KBTBD2: variants seen among roughly 807,000 people sequenced by gnomAD.
The protein encoded by KBTBD2 is kelch repeat and BTB domain containing 2, also known as kelch repeat and BTB domain-containing protein 2.
KBTBD2 carries 17 observed loss-of-function variants against 57.1 expected under a neutral mutation model. The ratio of observed to expected loss-of-function variants is 0.30; its 90% CI spans 0.20 to 0.45. The LOEUF is 0.45. Among genes scored for constraint, KBTBD2 ranks in the 20% least tolerant of loss-of-function variants. The pLI is 1.00. For missense variants in KBTBD2, 515 were observed against 750.6 expected, an observed-to-expected ratio of 0.69 and a Z score of 3.67; for synonymous variants, 267 against 262.7, an observed-to-expected ratio of 1.02 and a Z score of -0.16.
At chr7:32,877,041 C>T (rs969093829) in intron 2 of KBTBD2, among the ~76,000 whole-genome samples, 2 of 151,690 alleles carry the variant, frequency 1.3e-5, no homozygotes, top group African/African-American at 2.4e-5. Flanking sequence ...TTTTTTGAGA[C>T]AGAGTCTCAC....
chr7:32,883,558 AACTGATGTG>A (rs1380938711), intron 1 of KBTBD2, among the ~76,000 whole-genome samples: 14 of 151,852 alleles, frequency 9.2e-5, no homozygotes. Flanking sequence ...ATTAATTACC[AACTGATGTG>A]ACGTATTTTA....
intron 1 of KBTBD2, among the ~76,000 whole-genome samples, chr7:32,882,916 C>T (rs1326302764): frequency 6.6e-6 from 1 of 152,158 alleles, no homozygotes; most frequent in Admixed American, 6.6e-5. Context: ...ACCTGGCAGA[C>T]GGAGGTTGCA....
chr7:32,875,256 G>T, intron 2 of KBTBD2, 99 bp from the exon 3 acceptor site: 1 of 1,097,374 alleles, frequency 9.1e-7, no homozygotes, highest in Non-Finnish European at 1.3e-6. Context: ...TTTATTTAGG[G>T]TATTTACTTA....
chr7:32,877,969 G>A (rs184173811), intron 2 of KBTBD2, among the ~76,000 whole-genome samples: 22 of 151,984 alleles, frequency 1.4e-4, no homozygotes, highest in Non-Finnish European at 3.2e-4. Context: ...AAAATTAGCC[G>A]GGCATGGTGG....
intron 2 of KBTBD2, among the ~76,000 whole-genome samples, chr7:32,879,071 G>C (rs987341826): frequency 9.9e-5 from 15 of 152,084 alleles, no homozygotes; most frequent in African/African-American, 3.6e-4. Context: ...ATTACTATTT[G>C]AGCCTATAAC....
chr7:32,869,778 G>T lies in KBTBD2; in HGVS notation c.1439C>A (p.Ala480Asp). The change falls in exon 4 of 4, where the codon GCT (alanine) becomes GAT (aspartate). Residue 480 changes from alanine to aspartate, a missense_variant. By Grantham distance (126) the Ala-to-Asp change is moderately radical (BLOSUM62 -2). Coordinates refer to ENST00000304056, the MANE Select transcript of KBTBD2 (RefSeq NM_015483.3). ...KIFYIGGLHI[A>D]TNSGIRLPSG... ...GGGGAGTCTTATGCCGGAATTGGTA[G>T]CAATATGCAACCCTCCAATATAGAA... The T allele has an allele frequency of 6.2e-7, 1 of 1,613,984 alleles. No homozygotes were observed. The highest frequency in any genetic ancestry group is 8.5e-7 in the Non-Finnish European group (1 of 1,180,008).
chr7:32,884,989 T>TAC (rs1554278158), intron 1 of KBTBD2, among the ~76,000 whole-genome samples: 3 of 112,346 alleles, frequency 2.7e-5, no homozygotes, highest in Middle Eastern at 4.1e-3. Flanking sequence ...TATATATATA[T>TAC]ACACATATAT....
At chr7:32,882,829 C>CA (rs977722045) in intron 1 of KBTBD2, among the ~76,000 whole-genome samples, 3 of 151,362 alleles carry the variant, frequency 2.0e-5, no homozygotes, top group African/African-American at 7.3e-5. Context: ...ACTAAAAACA[C>CA]AAAAAAATTA....
At chr7:32,885,700 G>A (rs1404026041) in intron 1 of KBTBD2, among the ~76,000 whole-genome samples, 2 of 151,914 alleles carry the variant, frequency 1.3e-5, no homozygotes, top group Non-Finnish European at 2.9e-5. Context: ...GAATTAAATT[G>A]GAGTCATGCA....
At chr7:32,875,824 T>C (rs983984982) in intron 2 of KBTBD2, among the ~76,000 whole-genome samples, 2 of 152,086 alleles carry the variant, frequency 1.3e-5, no homozygotes, top group African/African-American at 4.8e-5. Context: ...TCCGTTTATA[T>C]AAAACGTCTA....
intron 1 of KBTBD2, among the ~76,000 whole-genome samples, chr7:32,886,037 T>C (rs1224599361): frequency 6.6e-6 from 1 of 151,708 alleles, no homozygotes; most frequent in Non-Finnish European, 1.5e-5. Flanking sequence ...GCCTCCTAAA[T>C]AGCTGGGATT....
chr7:32,869,441 T>C lies in KBTBD2; in HGVS notation c.1776A>G (p.Glu592=), dbSNP rs1784112408. ...TVGKLYPSCL[E]ESPWKPPTYL... ...AAGTTGGTGGTTTCCATGGAGACTC[T>C]TCAAGGCAGGATGGATAGAGTTTCC... Residue 592 remains glutamate, a synonymous_variant, in exon 4 of 4, where the codon GAA becomes GAG. Coordinates refer to ENST00000304056, the MANE Select transcript of KBTBD2 (RefSeq NM_015483.3). 6.2e-7 allele frequency: 1 copy of C among 1,614,022 alleles called. No homozygotes were observed. Among genetic ancestry groups the C allele is most frequent in the Non-Finnish European group, 8.5e-7 (1 of 1,180,008 alleles).
intron 1 of KBTBD2, among the ~76,000 whole-genome samples, chr7:32,888,127 T>C (rs1324528857): frequency 6.6e-6 from 1 of 152,250 alleles, no homozygotes; most frequent in Non-Finnish European, 1.5e-5. Flanking sequence ...AGAAATCCAA[T>C]GTTTTCAGAG....
chr7:32,889,950 A>G (rs1328552491), intron 1 of KBTBD2, among the ~76,000 whole-genome samples: 1 of 152,246 alleles, frequency 6.6e-6, no homozygotes, highest in Non-Finnish European at 1.5e-5. Flanking sequence ...ACCAACCAGA[A>G]GAAAATCTAT....
intron 3 of KBTBD2, chr7:32,874,448 A>T (rs535963876): frequency 5.0e-4 from 76 of 151,984 alleles, no homozygotes; most frequent in Middle Eastern, 3.4e-3. Context: ...AAATAAAAAT[A>T]GTAGCTGGGC....
chr7:32,879,670 G>A lies in KBTBD2; in HGVS notation c.-66C>T, dbSNP rs1418960757. 4 of 1,324,426 alleles carry A rather than the reference G, an allele frequency of 3.0e-6. No individual in the cohort carries two copies. In the East Asian group the frequency reaches 9.4e-5, roughly 31 times the overall value. 82.0% of individuals were successfully genotyped at this position (1,324,426 alleles called of 1,614,324 possible). ...GTCCGTCTTACTGATGGAAGGTCAA[G>A]TGAATACTTCAGAAATAAAGGAGAA... On this transcript the variant is annotated 5_prime_UTR_variant, in exon 2 of 4. Transcript: ENST00000304056.
In KBTBD2 at chr7:32,891,706, T is replaced by G. The variant is rs1215468900; in HGVS notation, c.-509A>C. 4 of 150,820 alleles carry G rather than the reference T, an allele frequency of 2.7e-5. No individual in the cohort carries two copies. The highest frequency in any genetic ancestry group is 2.6e-4 in the Admixed American group (4 of 15,164). The allele number at this position is 150,820 out of a possible 1,614,324, so 9.3% of individuals were successfully genotyped here. On this transcript the variant is annotated 5_prime_UTR_variant, in exon 1 of 4. Transcript: ENST00000304056. ...GGCGCCGCCGCCTCTTCCTTCCGGT[T>G]TCCCCTCGCACCCTCCCTCGCTTGG...
chr7:32,888,280 C>T (rs1337749216), intron 1 of KBTBD2, among the ~76,000 whole-genome samples: 1 of 151,806 alleles, frequency 6.6e-6, no homozygotes, highest in Non-Finnish European at 1.5e-5. Context: ...GCTTAAAAGA[C>T]GACCAATCTT....
intron 1 of KBTBD2, among the ~76,000 whole-genome samples, chr7:32,888,491 T>A (rs749873062): frequency 5.9e-5 from 9 of 151,952 alleles, no homozygotes; most frequent in Non-Finnish European, 8.8e-5. Flanking sequence ...TTTTTTAGAT[T>A]GTCAACTGCT....
Sources: allele counts gnomAD v4.1 joint callset (sites outside exome capture counted in the v4.1 genomes callset), GRCh38; gene constraint gnomAD v4.1.1; transcripts MANE v1.5; gene names NCBI Gene and HGNC (gene_info 2026-07-23, HGNC 2026-07-21).